Variants in INTS9 observed in about 807,000 individuals in gnomAD.
INTS9 encodes the protein integrator complex subunit 9.
INTS9 carries 55 observed loss-of-function variants against 79.7 expected under a neutral mutation model. The ratio of observed to expected loss-of-function variants is 0.69; its 90% CI spans 0.56 to 0.86. The LOEUF (loss-of-function observed/expected upper bound fraction) is 0.86, where lower values mean the gene tolerates loss of function less well. INTS9 is among the 40% of genes least tolerant of loss of function. INTS9 has a pLI of 0.00. For synonymous variants in INTS9, 319 were observed against 325.2 expected (o/e 0.98, Z 0.20); for missense variants, 721 against 831.5 (o/e 0.87, Z 1.64).
intron 15 of INTS9, 118 bp downstream of exon 15, chr8:28,770,864 A>G: frequency 1.3e-6 from 1 of 771,604 alleles, no homozygotes; most frequent in Non-Finnish European, 2.1e-6. Flanking sequence ...GCACATGGCC[A>G]GGGAAATAAT....
chr8:28,873,185 T>C (rs569909503), intron 1 of INTS9, among the ~76,000 whole-genome samples: 2 of 152,336 alleles, frequency 1.3e-5, no homozygotes, highest in African/African-American at 4.8e-5. Context: ...GAAAAACAAC[T>C]ATATTGCCTG....
At chr8:28,855,997 A>C (rs546031756) in intron 2 of INTS9, among the ~76,000 whole-genome samples, 2 of 152,342 alleles carry the variant, frequency 1.3e-5, no homozygotes, top group South Asian at 4.1e-4. Context: ...GGCAATTAGG[A>C]ATTGCTTGTA....
chr8:28,788,171 C>G (rs143521088), intron 10 of INTS9, among the ~76,000 whole-genome samples: 89 of 152,284 alleles, frequency 5.8e-4, no homozygotes, highest in African/African-American at 2.1e-3. Context: ...TACAGAGTTT[C>G]CATGGCCTCT....
At chr8:28,782,538 T>TGCACACATACAC (rs1202080444) in intron 11 of INTS9, among the ~76,000 whole-genome samples, 5 of 152,244 alleles carry the variant, frequency 3.3e-5, no homozygotes, top group African/African-American at 9.6e-5. Context: ...TGTGCACACA[T>TGCACACATACAC]GCACACATAC....
intron 2 of INTS9, among the ~76,000 whole-genome samples, chr8:28,853,736 T>C (rs574166152): frequency 4.6e-5 from 7 of 152,156 alleles, no homozygotes; most frequent in African/African-American, 1.7e-4. Context: ...CCTAGGAAAA[T>C]ACTGAAGAGA....
At chr8:28,802,752 C>G (rs542699761) in intron 8 of INTS9, among the ~76,000 whole-genome samples, 2 of 152,224 alleles carry the variant, frequency 1.3e-5, no homozygotes, top group South Asian at 4.2e-4. Context: ...CTACCACGCC[C>G]TACAATTTTC....
At chr8:28,840,307 G>A (rs1807093486) in intron 4 of INTS9, among the ~76,000 whole-genome samples, 1 of 150,316 alleles carries the variant, frequency 6.7e-6, no homozygotes, top group Non-Finnish European at 1.5e-5. Flanking sequence ...TGCTGGAGAG[G>A]ATGTGGAGAA....
At chr8:28,843,788 A>G (rs1047495678) in intron 4 of INTS9, among the ~76,000 whole-genome samples, 4 of 145,678 alleles carry the variant, frequency 2.7e-5, no homozygotes, top group African/African-American at 1.0e-4. Context: ...TGCTGGATTC[A>G]TTTGTCTTGA....
At chr8:28,866,159 C>T (rs1268306987) in intron 1 of INTS9, among the ~76,000 whole-genome samples, 2 of 152,132 alleles carry the variant, frequency 1.3e-5, no homozygotes, top group Non-Finnish European at 2.9e-5. Context: ...TGCATTCCTT[C>T]ATACATGCCT....
intron 8 of INTS9, among the ~76,000 whole-genome samples, chr8:28,801,996 C>G (rs2130995053): frequency 6.6e-6 from 1 of 152,274 alleles, no homozygotes; most frequent in African/African-American, 2.4e-5. Flanking sequence ...TCATGAAGTA[C>G]AGGTGTGGGA....
intron 1 of INTS9, among the ~76,000 whole-genome samples, chr8:28,862,689 T>C (rs1808525503): frequency 6.6e-6 from 1 of 152,216 alleles, no homozygotes; most frequent in Non-Finnish European, 1.5e-5. Flanking sequence ...AGAAGATCTG[T>C]TTCACTGCTC....
At chr8:28,839,660 T>C (rs1807042485) in intron 4 of INTS9, among the ~76,000 whole-genome samples, 1 of 152,152 alleles carries the variant, frequency 6.6e-6, no homozygotes, top group South Asian at 2.1e-4. Flanking sequence ...ATCTGATCTT[T>C]GACAAACCTG....
chr8:28,866,938 G>C (rs1356834673), intron 1 of INTS9, among the ~76,000 whole-genome samples: 1 of 150,976 alleles, frequency 6.6e-6, no homozygotes, highest in African/African-American at 2.5e-5. Context: ...TCGCACCACT[G>C]CACTCCAGCC....
At chr8:28,785,831 C>T (rs984784228) in intron 11 of INTS9, among the ~76,000 whole-genome samples, 2 of 152,204 alleles carry the variant, frequency 1.3e-5, no homozygotes, top group Non-Finnish European at 2.9e-5. Flanking sequence ...TAGGAGTTCA[C>T]ACCAATACCA....
At chr8:28,797,240 A>G (rs1295876063) in intron 8 of INTS9, among the ~76,000 whole-genome samples, 1 of 152,210 alleles carries the variant, frequency 6.6e-6, no homozygotes, top group African/African-American at 2.4e-5. Flanking sequence ...TCTCAGAATA[A>G]CTCTGAAGCA....
In INTS9 at chr8:28,812,358, G is replaced by C; in HGVS notation, c.713C>G (p.Ser238Cys). The C allele has an allele frequency of 6.2e-7, 1 of 1,614,120 alleles. No homozygotes were observed. Among genetic ancestry groups the C allele is most frequent in the Non-Finnish European group, 8.5e-7 (1 of 1,179,972 alleles). Reference protein sequence around the residue: ...QSHYEKVSYVSGSSLLTTHPQ... With the variant: ...QSHYEKVSYVCGSSLLTTHPQ... Reference sequence around the variant, plus strand: ...GTGTGTGGTAAGCAAGGAGGATCCAGAGACATAAGACACTTTCTCGTAATG... The same window carrying C: ...GTGTGTGGTAAGCAAGGAGGATCCACAGACATAAGACACTTTCTCGTAATG... The change falls in exon 8 of 17, where the codon TCT becomes TGT. Residue 238 changes from serine to cysteine, a missense_variant. By Grantham distance (112) the Ser-to-Cys change is moderately radical. Around this residue, in one of 3 missense-constraint regions of INTS9, gnomAD observed 291 missense variants for 307.0 expected, o/e 0.95. Coordinates refer to ENST00000521022, the MANE Select transcript of INTS9 (RefSeq NM_018250.4).
intron 9 of INTS9, among the ~76,000 whole-genome samples, chr8:28,794,658 A>C (rs1804099316): frequency 6.6e-6 from 1 of 152,224 alleles, no homozygotes; most frequent in Admixed American, 6.5e-5. Flanking sequence ...CAGTTTCTGC[A>C]TCAGTTACAT....
Position 28,767,990 on chromosome 8 carries a change from C to T in INTS9, c.*156G>A, listed in dbSNP as rs1318378700. 4 of 708,506 alleles carry T rather than the reference C, an allele frequency of 5.6e-6. No homozygotes were observed. The highest frequency in any genetic ancestry group is 9.8e-6 in the Non-Finnish European group (4 of 406,914). 43.9% of individuals were successfully genotyped at this position (708,506 alleles called of 1,614,324 possible). On this transcript the variant is annotated 3_prime_UTR_variant, in exon 17 of 17. Coordinates refer to ENST00000521022, the MANE Select transcript of INTS9 (RefSeq NM_018250.4). The stretch of plus-strand genomic sequence containing the variant: ...GCCTGAAACAGTGCTGGGAATAAGT[C>T]CAGACCATTTCCCTCAAGAGCCACC...
intron 3 of INTS9, among the ~76,000 whole-genome samples, chr8:28,848,437 T>C (rs548297370): frequency 5.9e-5 from 9 of 152,164 alleles, no homozygotes; most frequent in East Asian, 1.9e-4. Context: ...TGATAGACAA[T>C]TTCCTCCCCT....
Sources: gnomAD v4.1 joint callset for allele counts (sites outside exome capture counted in the v4.1 genomes callset) on GRCh38, gnomAD v4.1.1 for gene constraint, gnomAD v4.1.1 regional missense constraint, MANE v1.5 for transcripts, NCBI Gene and HGNC (gene_info 2026-07-23, HGNC 2026-07-21) for gene names.